The following MAGI3 variants were observed in gnomAD, a reference collection of about 807,000 sequenced individuals.
The protein encoded by MAGI3 is membrane-associated guanylate kinase, WW and PDZ domain-containing protein 3.
MAGI3 carries 43 observed loss-of-function variants against 121.8 expected under a neutral mutation model. That is an observed-to-expected ratio of 0.35 (90% CI 0.28 to 0.46). The LOEUF (loss-of-function observed/expected upper bound fraction) is 0.46. Ranked by LOEUF, MAGI3 falls within the 20% of genes least tolerant of loss-of-function variation. The pLI, the probability that MAGI3 is intolerant of heterozygous loss-of-function variation, is 1.00. For missense variants in MAGI3, 1,547 were observed against 1,797.3 expected (o/e 0.86, Z 2.52); for synonymous variants, 553 against 639.3 (o/e 0.86, Z 2.04).
intron 16 of MAGI3, among the ~76,000 whole-genome samples, chr1:113,667,926 G>A (rs1411102378): frequency 6.6e-6 from 1 of 152,122 alleles, no homozygotes; most frequent in East Asian, 1.9e-4. Context: ...CATATTTATC[G>A]ATTATGTTTG....
chr1:113,391,195 G>A lies in MAGI3; in HGVS notation c.162G>A (p.Gly54=). Residue 54 remains glycine, a synonymous_variant, in exon 1 of 21, where the codon GGG becomes GGA. Transcript: ENST00000307546. This position sits in a 1 kb window ranked among gnomAD's most constrained non-coding sequence, Gnocchi z 4.4. Reference sequence around the variant, plus strand: ...GGCGGCTCCGCGAGGAGCCCGGCGGGGGCACCTGCTGCGTCGTCTCGGGCA... The same window carrying A: ...GGCGGCTCCGCGAGGAGCCCGGCGGAGGCACCTGCTGCGTCGTCTCGGGCA... ...YLGRLREEPG[G]GTCCVVSGKA... is the part of the protein sequence containing the mutation. The A allele has an allele frequency of 6.4e-7, 1 of 1,551,994 alleles. No homozygotes were observed. The highest frequency in any genetic ancestry group is 1.7e-4 in the Middle Eastern group (1 of 5,790).
intron 1 of MAGI3, among the ~76,000 whole-genome samples, chr1:113,542,791 A>G (rs1659350164): frequency 6.6e-6 from 1 of 152,036 alleles, no homozygotes; most frequent in African/African-American, 2.4e-5. Flanking sequence ...ACAGAGAAAG[A>G]GAGAGGGAGA....
At chr1:113,605,660 C>T (rs766045790) in intron 6 of MAGI3, among the ~76,000 whole-genome samples, 1 of 151,956 alleles carries the variant, frequency 6.6e-6, no homozygotes, top group Admixed American at 6.6e-5. Flanking sequence ...AGTGCAGTGG[C>T]GCAATCTTGG....
intron 2 of MAGI3, among the ~76,000 whole-genome samples, chr1:113,571,832 T>A (rs1647311967): frequency 6.6e-6 from 1 of 152,212 alleles, no homozygotes; most frequent in African/African-American, 2.4e-5. Context: ...AACCATGTCA[T>A]CTGCAAACAG....
intron 1 of MAGI3, among the ~76,000 whole-genome samples, chr1:113,395,433 G>A (rs1441612671): frequency 6.6e-6 from 1 of 151,456 alleles, no homozygotes; most frequent in Admixed American, 6.6e-5. Flanking sequence ...CAGGGGTTCA[G>A]GTTTTGGATT....
chr1:113,631,537 G>A (rs1454792974), intron 9 of MAGI3, among the ~76,000 whole-genome samples: 1 of 152,014 alleles, frequency 6.6e-6, no homozygotes, highest in African/African-American at 2.4e-5. Flanking sequence ...ATATAACTTT[G>A]AGATAATCCT....
intron 1 of MAGI3, among the ~76,000 whole-genome samples, chr1:113,414,221 A>T (rs1358720240): frequency 2.6e-5 from 4 of 152,204 alleles, no homozygotes; most frequent in African/African-American, 9.6e-5. Context: ...CATCACAGGG[A>T]TGAAGCCAAG....
At chr1:113,608,373 G>A (rs148380836) in intron 6 of MAGI3, among the ~76,000 whole-genome samples, 15 of 152,252 alleles carry the variant, frequency 9.9e-5, no homozygotes, top group Admixed American at 5.9e-4. Context: ...TAATAAGCCC[G>A]TCTTCATTCA....
chr1:113,607,538 C>A (rs1245241951), intron 6 of MAGI3, among the ~76,000 whole-genome samples: 1 of 152,096 alleles, frequency 6.6e-6, no homozygotes, highest in Non-Finnish European at 1.5e-5. Context: ...AATGGAAGAA[C>A]CGATACTGTT....
chr1:113,661,715 G>A (rs1348383338), intron 16 of MAGI3, among the ~76,000 whole-genome samples: 1 of 151,924 alleles, frequency 6.6e-6, no homozygotes, highest in East Asian at 1.9e-4. Flanking sequence ...TGTAACGTCA[G>A]TTTGTGTGCA....
Position 113,633,238 on chromosome 1 carries a change from ATTTTTTTTTTTTTTTTTTTTTTTTTT to A in MAGI3, c.1361-8657_1361-8632del, listed in dbSNP as rs71090716. ...TCCCTACAAAGGACATGAACTCATCATTTTTTTTTTTTTTTTTTTTTTTTTTTTTTTTTTTTTTTTTGAGACGGAGT... is the reference window on the plus strand; with the variant it reads ...TCCCTACAAAGGACATGAACTCATCATTTTTTTTTTTTTTTGAGACGGAGT... On this transcript the variant is annotated intron_variant, in intron 9 of 20. Transcript: ENST00000307546. Among the ~76,000 whole-genome samples, 12 of 56,642 alleles carry A rather than the reference ATTTTTTTTTTTTTTTTTTTTTTTTTT, an allele frequency of 2.1e-4. 1 individual carries two copies. Among genetic ancestry groups the A allele is most frequent in the South Asian group, 1.3e-3 (2 of 1,542 alleles). 37.2% of individuals were successfully genotyped at this position (56,642 alleles called of 152,430 possible).
chr1:113,417,952 G>GAAA (rs1652538968), intron 1 of MAGI3, among the ~76,000 whole-genome samples: 1 of 152,032 alleles, frequency 6.6e-6, no homozygotes, highest in Admixed American at 6.6e-5. Flanking sequence ...TAATTACCAA[G>GAAA]TTTTATCAGT....
chr1:113,398,273 T>C lies in MAGI3; in HGVS notation c.316+6924T>C, dbSNP rs751438329. ...TAACACATACTGAGAGATATTGTTTTAGAGACTCTGTATGGGTTATGAAGG... is the reference window on the plus strand; with the variant it reads ...TAACACATACTGAGAGATATTGTTTCAGAGACTCTGTATGGGTTATGAAGG... On this transcript the variant is annotated intron_variant, in intron 1 of 20. Transcript: ENST00000307546. 3.9e-5 allele frequency among the ~76,000 whole-genome samples: 6 copies of C among 152,346 alleles called. No individual in the cohort carries two copies. In the East Asian group the frequency reaches 7.7e-4, roughly 20 times the overall value.
In MAGI3 at chr1:113,533,785, C is replaced by T. The variant is rs868850042; in HGVS notation, c.317-15730C>T. On this transcript the variant is annotated intron_variant, in intron 1 of 20. Coordinates refer to ENST00000307546, the MANE Select transcript of MAGI3 (RefSeq NM_001142782.2). Reference sequence around the variant, plus strand: ...GACTGTTTAAATATCTTTTCTTTTTCTTTTTTTTTTTTTTTGGAATCAGAT... The same window carrying T: ...GACTGTTTAAATATCTTTTCTTTTTTTTTTTTTTTTTTTTTGGAATCAGAT... Among the ~76,000 whole-genome samples the T allele has an allele frequency of 5.5e-3, 742 of 135,216 alleles. 3 individuals are homozygous for T. Among genetic ancestry groups the T allele is most frequent in the African/African-American group, 0.019 (688 of 36,486 alleles). The allele number at this position is 135,216 out of a possible 152,430, so 88.7% of individuals were successfully genotyped here. A position where few individuals can be genotyped will look rare whatever the true frequency, so the allele number is the denominator to read the frequency against.
At chr1:113,623,327 A>G (rs1377172100) in intron 9 of MAGI3, among the ~76,000 whole-genome samples, 2 of 151,910 alleles carry the variant, frequency 1.3e-5, no homozygotes, top group Non-Finnish European at 2.9e-5. Flanking sequence ...TATAAAATAT[A>G]CAATTAAATT....
chr1:113,631,940 G>C (rs1376398282), intron 9 of MAGI3, among the ~76,000 whole-genome samples: 2 of 152,136 alleles, frequency 1.3e-5, no homozygotes, highest in Non-Finnish European at 2.9e-5. Flanking sequence ...GATTGCGGGG[G>C]GAAGTTTAAG....
intron 1 of MAGI3, among the ~76,000 whole-genome samples, chr1:113,413,349 T>G (rs1156389748): frequency 2.6e-5 from 4 of 152,236 alleles, no homozygotes. Context: ...TAGGATTGTC[T>G]TGGCAATGCG....
chr1:113,521,743 A>T (rs557204883), intron 1 of MAGI3, among the ~76,000 whole-genome samples: 3 of 152,172 alleles, frequency 2.0e-5, no homozygotes, highest in Non-Finnish European at 4.4e-5. Flanking sequence ...TACTTGTAGT[A>T]GTCATATTTT....
At chr1:113,450,645 G>GTT (rs1481796040) in intron 1 of MAGI3, 1 of 1,018,174 alleles carries the variant, frequency 9.8e-7, no homozygotes, top group Non-Finnish European at 1.6e-6. Flanking sequence ...AAAGGGGACA[G>GTT]TTCTGGTGGA....
Sources: gnomAD v4.1 joint callset for allele counts (sites outside exome capture counted in the v4.1 genomes callset) on GRCh38, gnomAD v4.1.1 for gene constraint, Gnocchi (gnomAD v3.1) non-coding constraint, MANE v1.5 for transcripts, NCBI Gene and HGNC (gene_info 2026-07-23, HGNC 2026-07-21) for gene names.